KCNIP1: variants seen among roughly 807,000 people sequenced by gnomAD.
KCNIP1 encodes A-type potassium channel modulatory protein KCNIP1.
In KCNIP1, 18 loss-of-function variants were observed where a neutral mutation model predicts 33.0. That is an observed-to-expected ratio of 0.55 (90% CI 0.38 to 0.81). The LOEUF is 0.81. Ranked by LOEUF, KCNIP1 falls within the 30% of genes least tolerant of loss-of-function variation. KCNIP1 has a pLI of 0.00. For synonymous variants in KCNIP1, 93 were observed against 98.3 expected (o/e 0.95, Z 0.32); for missense variants, 238 against 271.6 (o/e 0.88, Z 0.87).
At chr5:170,453,306 A>G (rs1289552614) in intron 1 of KCNIP1, among the ~76,000 whole-genome samples, 2 of 152,172 alleles carry the variant, frequency 1.3e-5, no homozygotes, top group Admixed American at 6.5e-5. Context: ...AGTGGCCTCT[A>G]TTTCAATGTA....
chr5:170,578,921 C>G (rs1478794558), intron 1 of KCNIP1, among the ~76,000 whole-genome samples: 1 of 151,944 alleles, frequency 6.6e-6, no homozygotes. Context: ...GAGGGAGGGC[C>G]CTGAGGTGGG....
At chr5:170,503,608 T>A (rs146947323), upstream of KCNIP1, among the ~76,000 whole-genome samples, 1 of 151,902 alleles carries the variant, frequency 6.6e-6, no homozygotes, top group East Asian at 1.9e-4. Flanking sequence ...TGGGGCAGAC[T>A]TTCCCCCTCC....
At chr5:170,487,754 G>T (rs374908874) in intron 1 of KCNIP1, among the ~76,000 whole-genome samples, 4 of 152,140 alleles carry the variant, frequency 2.6e-5, no homozygotes, top group African/African-American at 9.6e-5. Context: ...CTGGGCTCAA[G>T]GTATCCACCT....
At chr5:170,721,781 C>T (rs772044381) in intron 3 of KCNIP1, 52 bp from the exon 4 acceptor site, 14 of 1,614,050 alleles carry the variant, frequency 8.7e-6, no homozygotes, top group Non-Finnish European at 1.2e-5. Flanking sequence ...GGAAGGTTCT[C>T]CCTGTGTGGA....
Position 170,669,758 on chromosome 5 carries a change from G to C in KCNIP1, c.62-49000G>C, listed in dbSNP as rs867788228. On this transcript the variant is annotated intron_variant, in intron 1 of 7. Transcript: ENST00000328939. The stretch of plus-strand genomic sequence containing the variant: ...ACTAATGAGATGAGTGGATTACAAA[G>C]AGCACACATTTTGAGAAAGTGAAAA... The C allele has an allele frequency of 9.9e-5, 56 of 562,958 alleles. No homozygotes were observed. The African/African-American group carries it at 1.0e-3, about 10-fold the overall frequency. The allele number at this position is 562,958 out of a possible 1,614,324, so 34.9% of individuals were successfully genotyped here.
chr5:170,698,209 G>T (rs192079384), intron 1 of KCNIP1, among the ~76,000 whole-genome samples: 1 of 152,138 alleles, frequency 6.6e-6, no homozygotes, highest in African/African-American at 2.4e-5. Flanking sequence ...TCCTCATGGG[G>T]ACAATGAGAC....
intron 1 of KCNIP1, among the ~76,000 whole-genome samples, chr5:170,710,362 G>T (rs568162970): frequency 1.3e-5 from 2 of 152,178 alleles, no homozygotes; most frequent in East Asian, 3.9e-4. Flanking sequence ...GTTCTCTGGT[G>T]GAATTATCTA....
intron 1 of KCNIP1, among the ~76,000 whole-genome samples, chr5:170,692,192 T>A (rs756784604): frequency 6.6e-6 from 1 of 151,974 alleles, no homozygotes; most frequent in Non-Finnish European, 1.5e-5. Flanking sequence ...TACAGCCAGG[T>A]TGTCATCAAG....
chr5:170,632,526 C>T (rs1300879084), intron 1 of KCNIP1, among the ~76,000 whole-genome samples: 1 of 152,236 alleles, frequency 6.6e-6, no homozygotes, highest in Non-Finnish European at 1.5e-5. Flanking sequence ...AGGAGCAGCG[C>T]GGCTCTGCTG....
chr5:170,500,866 A>G (rs1470974322), upstream of KCNIP1, among the ~76,000 whole-genome samples: 2 of 152,242 alleles, frequency 1.3e-5, no homozygotes, highest in Non-Finnish European at 2.9e-5. Flanking sequence ...TGTTGAATAA[A>G]TAAGTGAATG....
intron 1 of KCNIP1, among the ~76,000 whole-genome samples, chr5:170,568,578 C>T (rs62394301): frequency 5.2e-5 from 7 of 133,488 alleles, no homozygotes; most frequent in East Asian, 4.8e-4. Flanking sequence ...TTTGGGAGGC[C>T]GAGGCGGGTG....
At chr5:170,631,822 C>T (rs931222395) in intron 1 of KCNIP1, among the ~76,000 whole-genome samples, 1 of 152,214 alleles carries the variant, frequency 6.6e-6, no homozygotes, top group South Asian at 2.1e-4. Flanking sequence ...CTGGGCCAGT[C>T]CTGACCAGGG....
intron 1 of KCNIP1, among the ~76,000 whole-genome samples, chr5:170,607,508 T>A (rs1758972504): frequency 2.0e-5 from 3 of 152,110 alleles, no homozygotes; most frequent in Admixed American, 2.0e-4. Context: ...TTAGGGATAA[T>A]GTGACGAGGT....
At chr5:170,699,309 T>C (rs1283713188) in intron 1 of KCNIP1, among the ~76,000 whole-genome samples, 2 of 152,234 alleles carry the variant, frequency 1.3e-5, no homozygotes, top group Admixed American at 1.3e-4. Context: ...GATAGATATT[T>C]TCTGTTTTAT....
intron 1 of KCNIP1, among the ~76,000 whole-genome samples, chr5:170,716,108 G>A (rs1395056649): frequency 6.6e-6 from 1 of 152,234 alleles, no homozygotes; most frequent in Non-Finnish European, 1.5e-5. Context: ...GGAAGGGAGA[G>A]CTGATGTGAG....
chr5:170,702,373 C>G (rs1382463958), intron 1 of KCNIP1, among the ~76,000 whole-genome samples: 5 of 152,208 alleles, frequency 3.3e-5, no homozygotes, highest in African/African-American at 1.2e-4. Context: ...CACATCTGTA[C>G]ATTTAGAGGG....
chr5:170,564,244 A>T (rs1234927697), intron 1 of KCNIP1, among the ~76,000 whole-genome samples: 1 of 152,182 alleles, frequency 6.6e-6, no homozygotes, highest in Non-Finnish European at 1.5e-5. Flanking sequence ...CTAATAATAT[A>T]TTAAAAACTG....
At chr5:170,702,659 A>C (rs1763134705) in intron 1 of KCNIP1, among the ~76,000 whole-genome samples, 1 of 152,190 alleles carries the variant, frequency 6.6e-6, no homozygotes, top group Non-Finnish European at 1.5e-5. Context: ...AAGACACAAG[A>C]GTGGGCCCAG....
chr5:170,354,226 G>T (rs144950197), intron 1 of KCNIP1, among the ~76,000 whole-genome samples: 1 of 152,162 alleles, frequency 6.6e-6, no homozygotes, highest in Non-Finnish European at 1.5e-5. Context: ...CGTTATGGGC[G>T]GGCAGAGGGA....
Sources: allele counts gnomAD v4.1 joint callset (sites outside exome capture counted in the v4.1 genomes callset), GRCh38; gene constraint gnomAD v4.1.1; transcripts MANE v1.5; gene names NCBI Gene and HGNC (gene_info 2026-07-23, HGNC 2026-07-21).